MTCL2: variants seen among roughly 807,000 people sequenced by gnomAD.
MTCL2 encodes microtubule cross-linking factor 2.
At chr20:36,832,091 G>A in the MTCL2 span, among the ~76,000 whole-genome samples, 1 of 152,222 alleles carries the variant, frequency 6.6e-6, no homozygotes, top group Non-Finnish European at 1.5e-5. Flanking sequence ...CCTAATAAAT[G>A]CTTGTTGGAT....
the MTCL2 span, chr20:36,784,238 G>A: frequency 1.0e-6 from 1 of 986,064 alleles, no homozygotes; most frequent in Non-Finnish European, 1.2e-6. Context: ...TCATGGGTGA[G>A]AGCAGCAGCA....
chr20:36,784,764 G>A, the MTCL2 span: 1 of 985,662 alleles, frequency 1.0e-6, no homozygotes, highest in African/African-American at 1.7e-5. Flanking sequence ...GGGGCAGGGA[G>A]AAGAGCCGTG....
chr20:36,800,238 C>T, the MTCL2 span, among the ~76,000 whole-genome samples: 44 of 152,268 alleles, frequency 2.9e-4, no homozygotes, highest in African/African-American at 1.0e-3. Context: ...GACATGTTCC[C>T]CAGGGATGAC....
the MTCL2 span, chr20:36,839,278 C>T: frequency 5.0e-6 from 8 of 1,611,324 alleles, no homozygotes; most frequent in Middle Eastern, 1.7e-4. The surrounding 1 kb of genome is among the most constrained non-coding windows in gnomAD (Gnocchi z 5.1). Flanking sequence ...CTGGGCGGCA[C>T]GGAGACTGCG....
chr20:36,848,746 T>C, the MTCL2 span, among the ~76,000 whole-genome samples: 822 of 152,320 alleles, frequency 5.4e-3, 6 homozygotes, highest in African/African-American at 0.018. Flanking sequence ...AGGGAGTCCA[T>C]GAACTTGGAA....
the MTCL2 span, chr20:36,863,101 G>A: frequency 7.1e-7 from 1 of 1,399,976 alleles, no homozygotes; most frequent in Non-Finnish European, 9.3e-7. The surrounding 1 kb of genome is among the most constrained non-coding windows in gnomAD (Gnocchi z 6.2). Flanking sequence ...CCCGCACCGC[G>A]CGCCCCGGGA....
the MTCL2 span, among the ~76,000 whole-genome samples, chr20:36,788,610 C>G: frequency 6.6e-6 from 1 of 152,036 alleles, no homozygotes; most frequent in South Asian, 2.1e-4. Flanking sequence ...TGCACTCCAG[C>G]CTAGGCAACA....
At chr20:36,784,655 G>A in the MTCL2 span, 5 of 985,374 alleles carry the variant, frequency 5.1e-6, no homozygotes, top group African/African-American at 8.7e-5. Flanking sequence ...GCGAGGCCAT[G>A]GGAGGCGCTG....
At chr20:36,807,403 G>A in the MTCL2 span, among the ~76,000 whole-genome samples, 1 of 152,128 alleles carries the variant, frequency 6.6e-6, no homozygotes, top group Non-Finnish European at 1.5e-5. Context: ...GACTAGAGGA[G>A]GGCCAAGCCT....
At chr20:36,794,231 G>T in the MTCL2 span, 1 of 1,549,414 alleles carries the variant, frequency 6.5e-7, no homozygotes, top group Non-Finnish European at 8.7e-7. The surrounding 1 kb of genome is among the most constrained non-coding windows in gnomAD (Gnocchi z 5.4). Flanking sequence ...GGGCTTGGCT[G>T]TGGTGAAGAG....
chr20:36,861,613 C>A, the MTCL2 span, among the ~76,000 whole-genome samples: 3 of 152,336 alleles, frequency 2.0e-5, no homozygotes, highest in Admixed American at 1.3e-4. Flanking sequence ...CAGCCAGGGG[C>A]ACTCTGGGTG....
the MTCL2 span, among the ~76,000 whole-genome samples, chr20:36,817,009 G>A: frequency 6.6e-6 from 1 of 151,994 alleles, no homozygotes; most frequent in Non-Finnish European, 1.5e-5. Flanking sequence ...GCTCACACCT[G>A]TAATCCCAGA....
At chr20:36,799,228 C>G in the MTCL2 span, among the ~76,000 whole-genome samples, 1 of 152,038 alleles carries the variant, frequency 6.6e-6, no homozygotes, top group African/African-American at 2.4e-5. Flanking sequence ...CGGTGGCTCA[C>G]ACCTGTAATC....
the MTCL2 span, among the ~76,000 whole-genome samples, chr20:36,862,198 C>G: frequency 6.6e-6 from 1 of 152,210 alleles, no homozygotes; most frequent in Admixed American, 6.5e-5. Flanking sequence ...CCGGGAAAGC[C>G]CTGGGTAACG....
chr20:36,834,366 A>G, the MTCL2 span, among the ~76,000 whole-genome samples: 1 of 152,244 alleles, frequency 6.6e-6, no homozygotes, highest in East Asian at 1.9e-4. Flanking sequence ...CATTTTCTCC[A>G]GCAACATCTG....
At chr20:36,817,433 T>C in the MTCL2 span, 1 of 1,591,464 alleles carries the variant, frequency 6.3e-7, no homozygotes, top group South Asian at 1.1e-5. Context: ...TTATCGGCCT[T>C]CCCCAGGGAG....
chr20:36,789,863 C>G, the MTCL2 span, among the ~76,000 whole-genome samples: 3 of 152,098 alleles, frequency 2.0e-5, no homozygotes, highest in Non-Finnish European at 4.4e-5. Flanking sequence ...CACTCTGTTG[C>G]TCAGGCTGGA....
At chr20:36,817,811 C>A in the MTCL2 span, among the ~76,000 whole-genome samples, 1 of 152,230 alleles carries the variant, frequency 6.6e-6, no homozygotes, top group Non-Finnish European at 1.5e-5. Flanking sequence ...AAAGGATTTC[C>A]TGAGCACCTA....
the MTCL2 span, among the ~76,000 whole-genome samples, chr20:36,810,747 T>TCTCTCTCTCTCTCTCC: frequency 6.7e-6 from 1 of 149,572 alleles, no homozygotes; most frequent in South Asian, 2.1e-4. Flanking sequence ...TCTCTCTCTC[T>TCTCTCTCTCTCTCTCC]CTCTCTTTCA....
Sources: gnomAD v4.1 joint callset for allele counts (sites outside exome capture counted in the v4.1 genomes callset) on GRCh38, gnomAD v4.1.1 for gene constraint, Gnocchi (gnomAD v3.1) non-coding constraint, MANE v1.5 for transcripts, NCBI Gene and HGNC (gene_info 2026-07-23, HGNC 2026-07-21) for gene names.